The following FBN1 variants were observed in gnomAD, a reference collection of about 807,000 sequenced individuals.
FBN1 encodes the protein fibrillin 1.
In FBN1, 29 loss-of-function variants were observed where a neutral mutation model predicts 365.1. The observed-to-expected ratio is 0.08, with a 90% confidence interval of 0.06 to 0.11. The LOEUF (loss-of-function observed/expected upper bound fraction) is 0.11, where lower values mean the gene tolerates loss of function less well. FBN1 is among the 10% of genes least tolerant of loss of function. The probability of loss-of-function intolerance (pLI) is 1.00; values close to 1 mark genes in which losing one functional copy is unlikely to be tolerated. For synonymous variants in FBN1, 1,210 were observed against 1,270.5 expected, an observed-to-expected ratio of 0.95 and a Z score of 1.01; for missense variants, 2,476 against 3,703.2, an observed-to-expected ratio of 0.67 and a Z score of 8.60.
In FBN1 at chr15:48,435,784, G is replaced by GTATATA. The variant is rs1566895724; in HGVS notation, c.6497-1072_6497-1071insTATATA. Reference sequence around the variant, plus strand: ...TATATATGTGTATATGTGTGTGTGTGTGTGTGTGTGTGTGTGTGTGTGTGT... The same window carrying GTATATA: ...TATATATGTGTATATGTGTGTGTGTGTATATATGTGTGTGTGTGTGTGTGTGTGTGT... On this transcript the variant is annotated intron_variant, in intron 53 of 65. Coordinates refer to ENST00000316623, the MANE Select transcript of FBN1 (RefSeq NM_000138.5). Among the ~76,000 whole-genome samples, 25 of 40,258 alleles carry GTATATA rather than the reference G, an allele frequency of 6.2e-4. 1 individual carries two copies. The highest frequency in any genetic ancestry group is 0.014 in the Middle Eastern group (1 of 72). 26.4% of individuals were successfully genotyped at this position (40,258 alleles called of 152,430 possible).
chr15:48,628,906 T>C (rs929431884), intron 2 of FBN1, among the ~76,000 whole-genome samples: 9 of 152,154 alleles, frequency 5.9e-5, no homozygotes, highest in Non-Finnish European at 4.4e-5. Flanking sequence ...TAAAGTCTTC[T>C]TGAAAAAAAA....
chr15:48,451,795 AG>A (rs1463277470), intron 45 of FBN1, among the ~76,000 whole-genome samples: 1 of 152,190 alleles, frequency 6.6e-6, no homozygotes, highest in Admixed American at 6.5e-5. Context: ...AATCATTCTG[AG>A]ATATTATTTT....
intron 4 of FBN1, among the ~76,000 whole-genome samples, chr15:48,608,840 C>G (rs960988358): frequency 6.6e-6 from 1 of 152,176 alleles, no homozygotes; most frequent in Non-Finnish European, 1.5e-5. Flanking sequence ...CATGGCTTTT[C>G]CCTCTGGTCT....
intron 6 of FBN1, among the ~76,000 whole-genome samples, chr15:48,545,869 C>A (rs1266717165): frequency 6.6e-6 from 1 of 151,946 alleles, no homozygotes; most frequent in Non-Finnish European, 1.5e-5. Context: ...AAAAAATACA[C>A]AAAAATGTAG....
At chr15:48,434,739 A>C in intron 53 of FBN1, 26 bp from the exon 54 acceptor site, 2 of 1,612,012 alleles carry the variant, frequency 1.2e-6, no homozygotes, top group East Asian at 2.2e-5. Flanking sequence ...AATGTGTCCA[A>C]AACATGATGA....
At position 48,644,899 on chromosome 15, in the gene FBN1, G is replaced by T; in HGVS notation, c.-130C>A. The T allele has an allele frequency of 1.1e-6, 1 of 916,620 alleles. No homozygotes were observed. The highest frequency in any genetic ancestry group is 1.4e-6 in the Non-Finnish European group (1 of 700,576). The allele number at this position is 916,620 out of a possible 1,614,324, so 56.8% of individuals were successfully genotyped here. A position where few individuals can be genotyped will look rare whatever the true frequency, so the allele number is the denominator to read the frequency against. On this transcript the variant is annotated 5_prime_UTR_variant, in exon 2 of 66. Coordinates refer to ENST00000316623, the MANE Select transcript of FBN1 (RefSeq NM_000138.5). ...TCCCGCCGCCCGTCCCCCGGGCCGG[G>T]CTCCTCCCGCCTTCTCCAGGCGCTG...
At chr15:48,528,851 G>A (rs2279237) in intron 8 of FBN1, 17,460 of 152,060 alleles carry the variant, frequency 0.11, 1,172 homozygotes, top group Non-Finnish European at 0.14. Flanking sequence ...AAACCACCTT[G>A]TTTCTCAGTG....
chr15:48,512,888 T>G (rs751284229), intron 13 of FBN1, among the ~76,000 whole-genome samples: 2 of 152,190 alleles, frequency 1.3e-5, no homozygotes, highest in Non-Finnish European at 2.9e-5. Context: ...TTTATTTCTG[T>G]TTTAGAAACT....
At position 48,505,122 on chromosome 15, in the gene FBN1, C is replaced by T. The variant is rs747413339; in HGVS notation, c.1863G>A (p.Gly621=). The part of the protein sequence containing the change: ...CKDINECETP[G]ICMNGRCVNT... ...TGACGCAACGCCCATTCATGCAGAT[C>T]CCAGGGGTTTCACACTCGTTAATGT... Residue 621 remains glycine (G), a synonymous_variant, in exon 16 of 66, where the codon GGG becomes GGA. Transcript: ENST00000316623. The T allele has an allele frequency of 1.2e-6, 2 of 1,614,166 alleles. No individual in the cohort carries two copies. Among genetic ancestry groups the T allele is most frequent in the Non-Finnish European group, 1.7e-6 (2 of 1,180,010 alleles).
At chr15:48,507,185 CA>C (rs1251856430) in intron 15 of FBN1, among the ~76,000 whole-genome samples, 3 of 152,158 alleles carry the variant, frequency 2.0e-5, no homozygotes, top group Non-Finnish European at 4.4e-5. Flanking sequence ...TGTGTATCAT[CA>C]AGAAGATTAT....
At chr15:48,510,007 T>C (rs773916518) in intron 14 of FBN1, 37 bp downstream of exon 14, 19 of 1,610,426 alleles carry the variant, frequency 1.2e-5, no homozygotes, top group East Asian at 1.1e-4. Flanking sequence ...GAAACTGCAA[T>C]GGAAGGAGAG....
rs114014855 is a variant in FBN1, at chr15:48,487,639, C to A, written c.3338-202G>T. Among the ~76,000 whole-genome samples, 704 of 152,276 alleles carry A rather than the reference C, an allele frequency of 4.6e-3. 6 individuals carry two copies. The highest frequency in any genetic ancestry group is 0.016 in the African/African-American group (668 of 41,546). On this transcript the variant is annotated intron_variant, in intron 27 of 65. Transcript: ENST00000316623. Reference sequence around the variant, plus strand: ...TGCAGCCAAACTCTTGGTTTATTTTCTTCTCCTGCACTACCCTGCTCTCCT... The same window carrying A: ...TGCAGCCAAACTCTTGGTTTATTTTATTCTCCTGCACTACCCTGCTCTCCT...
intron 49 of FBN1, 71 bp downstream of exon 49, chr15:48,444,470 A>C (rs1243063948): frequency 1.3e-5 from 20 of 1,587,586 alleles, no homozygotes; most frequent in Non-Finnish European, 1.6e-5. Context: ...CGTCATTACA[A>C]AAATTCTCAT....
chr15:48,545,507 A>G (rs2044087555), intron 6 of FBN1, among the ~76,000 whole-genome samples: 1 of 152,192 alleles, frequency 6.6e-6, no homozygotes, highest in African/African-American at 2.4e-5. Flanking sequence ...AATATGAGGT[A>G]CCCAGAGCAG....
intron 2 of FBN1, among the ~76,000 whole-genome samples, chr15:48,629,544 A>G (rs992244689): frequency 2.0e-5 from 3 of 152,242 alleles, no homozygotes; most frequent in Non-Finnish European, 4.4e-5. Context: ...TGGTAAACAG[A>G]ATAATGTTAT....
intron 6 of FBN1, among the ~76,000 whole-genome samples, chr15:48,569,708 T>C (rs1009428888): frequency 6.6e-6 from 1 of 152,164 alleles, no homozygotes; most frequent in Non-Finnish European, 1.5e-5. Flanking sequence ...TAATATGTGT[T>C]ATAAGATTCT....
intron 25 of FBN1, among the ~76,000 whole-genome samples, chr15:48,488,925 T>A (rs1226391484): frequency 6.6e-6 from 1 of 152,206 alleles, no homozygotes; most frequent in African/African-American, 2.4e-5. Context: ...GTTTGGTGCT[T>A]TTTTGGATAT....
At chr15:48,548,119 C>T (rs1184121752) in intron 6 of FBN1, among the ~76,000 whole-genome samples, 1 of 152,172 alleles carries the variant, frequency 6.6e-6, no homozygotes, top group African/African-American at 2.4e-5. Context: ...TTCTTAGACA[C>T]CAACAACTAA....
At chr15:48,528,313 CTGAG>C (rs2043934183) in intron 8 of FBN1, among the ~76,000 whole-genome samples, 1 of 152,140 alleles carries the variant, frequency 6.6e-6, no homozygotes, top group Non-Finnish European at 1.5e-5. Context: ...TCCATGCTGG[CTGAG>C]TGAGATTTGG....
Sources: gnomAD v4.1 joint callset for allele counts (sites outside exome capture counted in the v4.1 genomes callset) on GRCh38, gnomAD v4.1.1 for gene constraint, MANE v1.5 for transcripts, NCBI Gene and HGNC (gene_info 2026-07-23, HGNC 2026-07-21) for gene names.